Variants in NEK4 observed in about 807,000 individuals in gnomAD.
NEK4 encodes serine/threonine-protein kinase Nek4.
Under a neutral mutation model 98.4 loss-of-function variants are expected in NEK4, and 86 were observed. The ratio of observed to expected loss-of-function variants is 0.87; its 90% CI spans 0.73 to 1.05. The LOEUF (loss-of-function observed/expected upper bound fraction) is 1.05. Ranked by LOEUF, NEK4 falls within the 50% of genes least tolerant of loss-of-function variation. The pLI is 0.00. For missense variants in NEK4, 898 were observed against 950.3 expected (o/e 0.94, Z 0.72); for synonymous variants, 328 against 342.2 (o/e 0.96, Z 0.46).
At position 52,710,899 on chromosome 3, in the gene NEK4, T is replaced by C. The variant is rs1001421654; in HGVS notation, c.*878A>G. On this transcript the variant is annotated 3_prime_UTR_variant, in exon 16 of 16. Coordinates refer to ENST00000233027, the MANE Select transcript of NEK4 (RefSeq NM_003157.6). ...TTCCTAGATGGGTATTACCTCTTATTAAACAACTAATAAAATATGTGCTAT... is the reference window on the plus strand; with the variant it reads ...TTCCTAGATGGGTATTACCTCTTATCAAACAACTAATAAAATATGTGCTAT... The C allele has an allele frequency of 6.6e-6, 1 of 152,476 alleles. No individual in the cohort carries two copies. Among genetic ancestry groups the C allele is most frequent in the African/African-American group, 2.4e-5 (1 of 41,466 alleles). 9.4% of individuals were successfully genotyped at this position (152,476 alleles called of 1,614,324 possible).
At chr3:52,754,207 C>T (rs2097410696) in intron 6 of NEK4, 2 of 295,218 alleles carry the variant, frequency 6.8e-6, no homozygotes, top group Non-Finnish European at 1.3e-5. Context: ...ACATCCATCC[C>T]TAATTACTAT....
intron 11 of NEK4, among the ~76,000 whole-genome samples, chr3:52,744,019 C>A (rs1217512666): frequency 6.6e-6 from 1 of 152,158 alleles, no homozygotes; most frequent in Non-Finnish European, 1.5e-5. Flanking sequence ...CTTGTTATTT[C>A]TTTAATATCC....
intron 5 of NEK4, among the ~76,000 whole-genome samples, chr3:52,762,570 C>T (rs540377864): frequency 9.2e-5 from 14 of 152,268 alleles, no homozygotes; most frequent in South Asian, 4.1e-4. Context: ...GAATATGCCA[C>T]GCCAAAATAT....
chr3:52,717,291 C>CA (rs1156683460), intron 15 of NEK4, among the ~76,000 whole-genome samples: 98 of 151,884 alleles, frequency 6.5e-4, no homozygotes, highest in Middle Eastern at 3.4e-3. Flanking sequence ...CCTATAATCC[C>CA]AGCTACTTGG....
intron 15 of NEK4, among the ~76,000 whole-genome samples, chr3:52,728,169 T>C (rs1470204818): frequency 6.6e-6 from 1 of 152,210 alleles, no homozygotes; most frequent in Non-Finnish European, 1.5e-5. Flanking sequence ...GCCCAAGGGT[T>C]CAAGACCAGC....
intron 6 of NEK4, among the ~76,000 whole-genome samples, chr3:52,760,313 T>C (rs1489398902): frequency 1.3e-5 from 2 of 152,104 alleles, no homozygotes; most frequent in Non-Finnish European, 2.9e-5. Context: ...ACCTCCCAGG[T>C]TCAAGCGATT....
At chr3:52,738,370 T>C (rs2097379857) in intron 14 of NEK4, among the ~76,000 whole-genome samples, 1 of 151,446 alleles carries the variant, frequency 6.6e-6, no homozygotes, top group Non-Finnish European at 1.5e-5. Context: ...CCCAAAGCAA[T>C]GAGATTACAG....
chr3:52,746,313 A>T, intron 9 of NEK4, 103 bp from the exon 10 acceptor site: 3 of 1,092,084 alleles, frequency 2.7e-6, no homozygotes, highest in Non-Finnish European at 3.9e-6. Flanking sequence ...TTGCTCTTAA[A>T]ACCTTCAAAA....
chr3:52,740,573 G>A (rs539180603), intron 13 of NEK4, among the ~76,000 whole-genome samples: 29 of 150,196 alleles, frequency 1.9e-4, no homozygotes, highest in South Asian at 1.9e-3. Flanking sequence ...CGAGGTGGGC[G>A]GATCACCTGA....
intron 15 of NEK4, among the ~76,000 whole-genome samples, chr3:52,714,436 C>T (rs985427702): frequency 1.3e-5 from 2 of 152,224 alleles, no homozygotes; most frequent in Non-Finnish European, 2.9e-5. Flanking sequence ...GCAGTGGCAC[C>T]ACTGGAACCT....
intron 15 of NEK4, among the ~76,000 whole-genome samples, chr3:52,724,692 C>A (rs1411680834): frequency 6.6e-6 from 1 of 152,130 alleles, no homozygotes; most frequent in East Asian, 1.9e-4. Context: ...AGGTGTTGGT[C>A]AAAGGGTACA....
chr3:52,742,732 T>A (rs937524497), intron 12 of NEK4, among the ~76,000 whole-genome samples: 14 of 152,170 alleles, frequency 9.2e-5, no homozygotes, highest in Non-Finnish European at 2.9e-5. Context: ...TCACAGCAGA[T>A]TGAGCAAAGT....
intron 8 of NEK4, among the ~76,000 whole-genome samples, chr3:52,747,959 ATT>A (rs2097399069): frequency 6.6e-6 from 1 of 151,164 alleles, no homozygotes; most frequent in Non-Finnish European, 1.5e-5. Flanking sequence ...AAAAATTATT[ATT>A]TTATTTAATT....
In NEK4 at chr3:52,746,075, T is replaced by A. The variant is rs1258750360; in HGVS notation, c.1813A>T (p.Met605Leu). Reference protein sequence around the residue: ...GSVSSSRSSEMSSSKDRPLSA... With the variant: ...GSVSSSRSSELSSSKDRPLSA... ...TTCCCACAAACCTTTGATGATGACA[T>A]CTCACTGCTCCTTGAACTGCTCACA... Residue 605 changes from methionine (M) to leucine (L), a missense_variant, in exon 10 of 16, where the codon ATG (methionine) becomes TTG (leucine). Coordinates refer to ENST00000233027, the MANE Select transcript of NEK4 (RefSeq NM_003157.6). 4 of 1,613,538 alleles carry A rather than the reference T, an allele frequency of 2.5e-6. No individual in the cohort carries two copies. Among genetic ancestry groups the A allele is most frequent in the Non-Finnish European group, 3.4e-6 (4 of 1,179,916 alleles).
chr3:52,743,623 T>C (rs1237724538), intron 11 of NEK4, among the ~76,000 whole-genome samples, 162 bp from the exon 12 acceptor site: 1 of 152,228 alleles, frequency 6.6e-6, no homozygotes, highest in Admixed American at 6.5e-5. Context: ...GTTGAAATCT[T>C]AGCTCTAGGT....
rs574733632 is a variant in NEK4, at chr3:52,736,147, A to C, written c.2433+1439T>G. Among the ~76,000 whole-genome samples, 3 of 152,322 alleles carry C rather than the reference A, an allele frequency of 2.0e-5. No individual in the cohort carries two copies. The South Asian group carries it at 6.2e-4, about 32-fold the overall frequency. ...CAGCTGTTATTAATTGCCTTTAAAA[A>C]TCTGTCCTGTTTTTTCCCAGGTACT... On this transcript the variant is annotated intron_variant, in intron 15 of 15. Coordinates refer to ENST00000233027, the MANE Select transcript of NEK4 (RefSeq NM_003157.6).
At position 52,770,863 on chromosome 3, in the gene NEK4, G is replaced by A. The variant is rs960101482; in HGVS notation, c.-117C>T. 6 of 884,832 alleles carry A rather than the reference G, an allele frequency of 6.8e-6. No homozygotes were observed. The highest frequency in any genetic ancestry group is 8.8e-6 in the Non-Finnish European group (5 of 567,168). 54.8% of individuals were successfully genotyped at this position (884,832 alleles called of 1,614,324 possible). A position where few individuals can be genotyped will look rare whatever the true frequency, so the allele number is the denominator to read the frequency against. On this transcript the variant is annotated 5_prime_UTR_variant, in exon 1 of 16. Coordinates refer to ENST00000233027, the MANE Select transcript of NEK4 (RefSeq NM_003157.6). ...GGCAGTGGGGGCGGCTGTTGAGGCA[G>A]CCGGGCCCGGGCGGGATTGCTGGGG...
intron 2 of NEK4, among the ~76,000 whole-genome samples, chr3:52,768,130 A>G (rs1026338744): frequency 1.3e-5 from 2 of 152,242 alleles, no homozygotes; most frequent in African/African-American, 4.8e-5. Flanking sequence ...GCAATCAGAC[A>G]TGAAATCTAT....
intron 15 of NEK4, among the ~76,000 whole-genome samples, chr3:52,724,893 T>C (rs1205812046): frequency 6.6e-6 from 1 of 152,242 alleles, no homozygotes; most frequent in African/African-American, 2.4e-5. Context: ...ACACATTGTA[T>C]ACATATATCA....
Sources: allele counts gnomAD v4.1 joint callset (sites outside exome capture counted in the v4.1 genomes callset), GRCh38; gene constraint gnomAD v4.1.1; transcripts MANE v1.5; gene names NCBI Gene and HGNC (gene_info 2026-07-23, HGNC 2026-07-21).